The following LARP4B variants were observed in gnomAD, a reference collection of about 807,000 sequenced individuals.
LARP4B encodes the protein La ribonucleoprotein 4B.
A neutral mutation model predicts 89.8 loss-of-function variants in LARP4B; 12 were observed. The ratio of observed to expected loss-of-function variants is 0.13; its 90% CI spans 0.09 to 0.22. LARP4B has a LOEUF of 0.22. LARP4B is among the 10% of genes least tolerant of loss of function. LARP4B has a pLI of 1.00. For missense variants in LARP4B, 757 were observed against 947.7 expected (o/e 0.80, Z 2.64); for synonymous variants, 367 against 363.3 (o/e 1.01, Z -0.12).
the LARP4B span, among the ~76,000 whole-genome samples, chr10:957,954 G>A: frequency 2.6e-5 from 4 of 151,818 alleles, no homozygotes; most frequent in East Asian, 3.9e-4. Flanking sequence ...GCACCACCAC[G>A]CCTGGCTGAT....
upstream of LARP4B, among the ~76,000 whole-genome samples, chr10:934,276 C>T (rs997618692): frequency 2.6e-5 from 4 of 151,874 alleles, no homozygotes; most frequent in African/African-American, 7.3e-5. Context: ...GCAGGCAGAT[C>T]GCCCAAGGCC....
chr10:968,128 A>G, the LARP4B span, among the ~76,000 whole-genome samples: 1 of 152,192 alleles, frequency 6.6e-6, no homozygotes, highest in Non-Finnish European at 1.5e-5. Flanking sequence ...TTCAATTCCC[A>G]CTAAGATTCC....
Position 829,407 on chromosome 10 carries a change from T to C in LARP4B, c.1103A>G (p.His368Arg). Residue 368 changes from histidine (H) to arginine (R), a missense_variant, in exon 11 of 18, where the codon CAC becomes CGC. Transcript: ENST00000316157. The stretch of plus-strand genomic sequence containing the variant: ...TACCAAGGGTGGGTCAAGATAGCTG[T>C]GCGTTGCTGACCACGTCTGGGGAGT... ...LITPQTWSATHSYLDPPLVTP... is the reference protein window; with the variant it reads ...LITPQTWSATRSYLDPPLVTP... The C allele has an allele frequency of 2.5e-6, 4 of 1,609,000 alleles. No homozygotes were observed. Among genetic ancestry groups the C allele is most frequent in the Non-Finnish European group, 3.4e-6 (4 of 1,176,882 alleles).
the LARP4B span, among the ~76,000 whole-genome samples, chr10:976,425 T>C: frequency 3.4e-5 from 5 of 148,876 alleles, no homozygotes; most frequent in Admixed American, 3.3e-4. Flanking sequence ...TAGTAGAATG[T>C]AGGCCTGCCG....
the LARP4B span, among the ~76,000 whole-genome samples, chr10:964,473 A>G: frequency 1.3e-5 from 2 of 152,024 alleles, no homozygotes; most frequent in Non-Finnish European, 2.9e-5. Context: ...TCTGTGGATT[A>G]GGGCCAAGGA....
At chr10:891,381 AAAC>A (rs1273306881) in intron 1 of LARP4B, among the ~76,000 whole-genome samples, 4 of 152,250 alleles carry the variant, frequency 2.6e-5, no homozygotes, top group Admixed American at 2.6e-4. Context: ...ATAATCAGAG[AAAC>A]AACAGTAAAA....
chr10:988,287 C>A, the LARP4B span: 8 of 589,498 alleles, frequency 1.4e-5, no homozygotes, highest in Admixed American at 3.0e-5. Context: ...GGCCCTCACA[C>A]GCCCTCCGTG....
intron 3 of LARP4B, among the ~76,000 whole-genome samples, chr10:883,979 T>C (rs1343473204): frequency 1.3e-5 from 2 of 152,232 alleles, no homozygotes; most frequent in African/African-American, 2.4e-5. Flanking sequence ...TATATGCATA[T>C]GCAAATGATG....
chr10:875,861 TC>T (rs1835432030), intron 3 of LARP4B, among the ~76,000 whole-genome samples: 1 of 152,098 alleles, frequency 6.6e-6, no homozygotes, highest in Non-Finnish European at 1.5e-5. Flanking sequence ...CCATTCCAGC[TC>T]CCACAATTCA....
the LARP4B span, among the ~76,000 whole-genome samples, chr10:959,838 CATTCCCACCTCCTCG>C: frequency 2.6e-4 from 33 of 126,454 alleles, no homozygotes; most frequent in South Asian, 6.0e-4. Flanking sequence ...ACCTCCTCGT[CATTCCCACCTCCTCG>C]TCAATCCACC....
At chr10:970,924 C>T in the LARP4B span, among the ~76,000 whole-genome samples, 15 of 152,220 alleles carry the variant, frequency 9.9e-5, no homozygotes, top group South Asian at 4.1e-4. Context: ...GGGCTCCAAG[C>T]GGTGGCCTTG....
chr10:955,650 A>G, the LARP4B span, among the ~76,000 whole-genome samples: 1 of 152,074 alleles, frequency 6.6e-6, no homozygotes, highest in Admixed American at 6.5e-5. This position sits in a 1 kb window ranked among gnomAD's most constrained non-coding sequence, Gnocchi z 5.2. Flanking sequence ...TGCTAACACC[A>G]TGGTTATTAA....
chr10:951,296 C>T, the LARP4B span, among the ~76,000 whole-genome samples: 2 of 152,204 alleles, frequency 1.3e-5, no homozygotes, highest in Admixed American at 6.5e-5. Flanking sequence ...TGCCTGTAAT[C>T]CCAGCACTTT....
chr10:845,671 G>C (rs936883396), intron 5 of LARP4B, among the ~76,000 whole-genome samples: 5 of 152,210 alleles, frequency 3.3e-5, no homozygotes, highest in African/African-American at 1.2e-4. Context: ...AGATGCCAGA[G>C]GGCATGGTGT....
chr10:928,834 A>G (rs373322353), intron 1 of LARP4B, among the ~76,000 whole-genome samples: 1 of 152,136 alleles, frequency 6.6e-6, no homozygotes, highest in African/African-American at 2.4e-5. Context: ...TAGGCCTCCC[A>G]AAGTGCTGGG....
At chr10:906,511 T>C (rs971188235) in intron 1 of LARP4B, among the ~76,000 whole-genome samples, 11 of 152,224 alleles carry the variant, frequency 7.2e-5, no homozygotes, top group Admixed American at 2.6e-4. Context: ...CAGGTATGCA[T>C]GGATCCACAG....
chr10:875,710 C>T (rs912145832), intron 3 of LARP4B, among the ~76,000 whole-genome samples: 1 of 152,214 alleles, frequency 6.6e-6, no homozygotes, highest in African/African-American at 2.4e-5. Flanking sequence ...ACCACAATGG[C>T]ACTCATCCAC....
At chr10:911,216 T>C (rs192880609) in intron 1 of LARP4B, among the ~76,000 whole-genome samples, 4 of 152,340 alleles carry the variant, frequency 2.6e-5, no homozygotes, top group African/African-American at 7.2e-5. Flanking sequence ...AAGTTGGCTT[T>C]AGAACCAGAG....
chr10:825,113 C>T lies in LARP4B; in HGVS notation c.1436G>A (p.Arg479His), dbSNP rs367827564. The change falls in exon 13 of 18, where the codon CGT becomes CAT. Residue 479 changes from arginine (R) to histidine (H), a missense_variant. By Grantham distance (29) the Arg-to-His change is conservative. Around this residue, in one of 5 missense-constraint regions of LARP4B, gnomAD observed 387 missense variants for 423.6 expected, o/e 0.91. Transcript: ENST00000316157. ...GGATTCGAGACTGCCTGGCTCCACA[C>T]GCCCAGGCCCAGCCTCTCTCTTGGC... ...AYAKREAGPG[R>H]VEPGSLESSP... The T allele has an allele frequency of 1.7e-5, 27 of 1,614,112 alleles. No individual in the cohort carries two copies. Among genetic ancestry groups the T allele is most frequent in the African/African-American group, 5.3e-5 (4 of 74,936 alleles).
Sources: allele counts gnomAD v4.1 joint callset (sites outside exome capture counted in the v4.1 genomes callset), GRCh38; gene constraint gnomAD v4.1.1; regional missense constraint gnomAD v4.1.1; non-coding constraint Gnocchi (gnomAD v3.1); transcripts MANE v1.5; gene names NCBI Gene and HGNC (gene_info 2026-07-23, HGNC 2026-07-21).